The following ZNF497 variants were observed in gnomAD, a reference collection of about 807,000 sequenced individuals.
ZNF497 encodes zinc finger-like protein.
For synonymous variants in ZNF497, 422 were observed against 313.7 expected, an observed-to-expected ratio of 1.35 and a Z score of -3.65; for missense variants, 930 against 714.0, an observed-to-expected ratio of 1.30 and a Z score of -3.45.
Position 58,356,403 on chromosome 19 carries a change from C to G in ZNF497, c.1233G>C (p.Glu411Asp), listed in dbSNP as rs556449723. The G allele has an allele frequency of 5.1e-6, 8 of 1,565,754 alleles. No individual in the cohort carries two copies. The South Asian group carries it at 8.1e-5, about 16-fold the overall frequency. The change falls in exon 3 of 3, where the codon GAG becomes GAC. Residue 411 changes from glutamate (E) to aspartate (D), a missense_variant. Physicochemically the swap from Glu to Asp is conservative, Grantham distance 45 (BLOSUM62 2). Transcript: ENST00000311044. Reference protein sequence around the residue: ...LAHHRLSHTGERPFACAECGK... With the variant: ...LAHHRLSHTGDRPFACAECGK... ...CGCATTCTGCGCAGGCGAAGGGTCG[C>G]TCTCCCGTGTGCGAAAGCCGGTGGT...
chr19:58,361,770 A>T (rs1333155700), intron 1 of ZNF497, among the ~76,000 whole-genome samples: 2 of 152,212 alleles, frequency 1.3e-5, no homozygotes, highest in African/African-American at 2.4e-5. Flanking sequence ...GTTAAATTTT[A>T]AAAAAACGAC....
chr19:58,357,780 G>A (rs2052045603), intron 2 of ZNF497, 131 bp from the exon 3 acceptor site: 2 of 1,195,188 alleles, frequency 1.7e-6, no homozygotes, highest in Admixed American at 3.1e-5. Context: ...GATGCCCAAT[G>A]CCCTCTGGAG....
intron 1 of ZNF497, among the ~76,000 whole-genome samples, chr19:58,361,355 TC>T (rs1350169909): frequency 6.6e-6 from 1 of 152,170 alleles, no homozygotes; most frequent in African/African-American, 2.4e-5. Context: ...CTCTAGTTTT[TC>T]TTTCTCTTCT....
intron 1 of ZNF497, among the ~76,000 whole-genome samples, chr19:58,361,241 G>A (rs753064783): frequency 1.3e-5 from 2 of 152,244 alleles, no homozygotes; most frequent in Non-Finnish European, 2.9e-5. Flanking sequence ...ACAAAAAGAG[G>A]TTAACGGGGA....
At chr19:58,359,971 C>CA (rs36026323) in intron 1 of ZNF497, among the ~76,000 whole-genome samples, 26 of 136,090 alleles carry the variant, frequency 1.9e-4, no homozygotes, top group African/African-American at 5.7e-4. Flanking sequence ...GACTCTGTCT[C>CA]AAAAAAAAAA....
rs952640395 is a variant in ZNF497 at position 58,362,733 on chromosome 19, G to T, written c.-168C>A. The T allele has an allele frequency of 1.3e-5, 2 of 152,186 alleles. No homozygotes were observed. The highest frequency in any genetic ancestry group is 4.8e-5 in the African/African-American group (2 of 41,452). 9.4% of individuals were successfully genotyped at this position (152,186 alleles called of 1,614,324 possible). A position where few individuals can be genotyped will look rare whatever the true frequency, so the allele number is the denominator to read the frequency against. On this transcript the variant is annotated 5_prime_UTR_variant, in exon 1 of 3. Coordinates refer to ENST00000311044, the MANE Select transcript of ZNF497 (RefSeq NM_198458.3). ...GCGGCCTGAAAGAGGCCCGCACGCG[G>T]GCTCGAGCCGCGTGGAATGGTAGGA...
intron 1 of ZNF497, chr19:58,359,631 G>A (rs752173116): frequency 2.8e-6 from 1 of 357,880 alleles, no homozygotes; most frequent in Non-Finnish European, 5.6e-6. Context: ...GACACCCAGA[G>A]TCAGACCAGC....
At position 58,357,176 on chromosome 19, in the gene ZNF497, G is replaced by C. The variant is rs202080110; in HGVS notation, c.460C>G (p.Arg154Gly). The C allele has an allele frequency of 1.2e-6, 2 of 1,612,862 alleles. No homozygotes were observed. The highest frequency in any genetic ancestry group is 1.7e-6 in the Non-Finnish European group (2 of 1,179,732). ...TAGGGCTTCTCGCCGCTGTGGATGC[G>C]CTGGTGCTGGCTGAGGTTGGAGCTC... Reference protein sequence around the residue: ...AWSSNLSQHQRIHSGEKPYAC... With the variant: ...AWSSNLSQHQGIHSGEKPYAC... The change falls in exon 3 of 3, where the codon CGC becomes GGC. Residue 154 changes from arginine to glycine, a missense_variant. Arg to Gly is a moderately radical substitution (Grantham distance 125). Transcript: ENST00000311044.
chr19:58,357,991 C>A lies in ZNF497; in HGVS notation c.-14-342G>T. ...CTGTGGCACCACTCTCCTCTCCTTG[C>A]TTCACAGGGTGGGGCCCCAAGTGTC... On this transcript the variant is annotated intron_variant, in intron 2 of 2. Transcript: ENST00000311044. 4 of 1,259,706 alleles carry A rather than the reference C, an allele frequency of 3.2e-6. No homozygotes were observed. In the South Asian group the frequency reaches 6.3e-5, roughly 20 times the overall value. 78.0% of individuals were successfully genotyped at this position (1,259,706 alleles called of 1,614,324 possible). A position where few individuals can be genotyped will look rare whatever the true frequency, so the allele number is the denominator to read the frequency against.
intron 1 of ZNF497, 125 bp downstream of exon 1, chr19:58,362,552 T>A (rs2052105615): frequency 6.6e-6 from 1 of 151,982 alleles, no homozygotes; most frequent in African/African-American, 2.4e-5. Flanking sequence ...CGCGGAGGCC[T>A]ATCTCTCGGT....
In ZNF497 at chr19:58,356,865, C is replaced by T; in HGVS notation, c.771G>A (p.Gln257=). 2 of 1,588,218 alleles carry T rather than the reference C, an allele frequency of 1.3e-6. No homozygotes were observed. The highest frequency in any genetic ancestry group is 1.7e-6 in the Non-Finnish European group (2 of 1,172,246). Residue 257 remains glutamine (Q), a synonymous_variant, in exon 3 of 3, where the codon CAG becomes CAA. Coordinates refer to ENST00000311044, the MANE Select transcript of ZNF497 (RefSeq NM_198458.3). ...ACRDCGKAFS[Q]SSNLAEHLKI... is the part of the protein sequence containing the mutation. ...TCAGGTGCTCGGCCAGGTTGGAGCT[C>T]TGGCTGAAGGCCTTGCCACAGTCCC...
At position 58,357,031 on chromosome 19, in the gene ZNF497, C is replaced by G; in HGVS notation, c.605G>C (p.Ser202Thr). The G allele has an allele frequency of 6.2e-7, 1 of 1,610,284 alleles. No individual in the cohort carries two copies. The highest frequency in any genetic ancestry group is 8.5e-7 in the Non-Finnish European group (1 of 1,179,010). The change falls in exon 3 of 3, where the codon AGC becomes ACC. Residue 202 changes from serine (S) to threonine (T), a missense_variant. Transcript: ENST00000311044. Reference sequence around the variant, plus strand: ...GCGTCGGTGCTGCACCAGCGTGGTGCTTCGGCCGAAGGACTTGCCGCAGTC... The same window carrying G: ...GCGTCGGTGCTGCACCAGCGTGGTGGTTCGGCCGAAGGACTTGCCGCAGTC... ...CPDCGKSFGR[S>T]TTLVQHRRTH... is the part of the protein sequence containing the mutation.
Position 58,356,142 on chromosome 19 carries a change from GGGCGCAGCGC to G in ZNF497, c.1484_1493del (p.Arg495ProfsTer7), listed in dbSNP as rs2052014253. 6.4e-7 allele frequency: 1 copy of G among 1,552,822 alleles called. No homozygotes were observed. Among genetic ancestry groups the G allele is most frequent in the Non-Finnish European group, 8.7e-7 (1 of 1,150,070 alleles). ...TCCCGCTCAGGGCGTCCTCGGGTCA[GGGCGCAGCGC>G]GGCCCCCGTGCCGCTTCTGGTGCTC... On this transcript the variant is annotated frameshift_variant, in exon 3 of 3. Coordinates refer to ENST00000311044, the MANE Select transcript of ZNF497 (RefSeq NM_198458.3).
intron 1 of ZNF497, among the ~76,000 whole-genome samples, chr19:58,362,199 G>A (rs757532403): frequency 9.2e-5 from 14 of 152,184 alleles, no homozygotes; most frequent in Non-Finnish European, 2.1e-4. Flanking sequence ...GGCCTAGGCT[G>A]GACAAACAAA....
rs766224397 is a variant in ZNF497, at chr19:58,357,198, G to C, written c.438C>G (p.Ser146Arg). Residue 146 changes from serine to arginine, a missense_variant, in exon 3 of 3, where the codon AGC becomes AGG. By Grantham distance (110) the Ser-to-Arg change is moderately radical. Transcript: ENST00000311044. ...TGCGCTGGTGCTGGCTGAGGTTGGAGCTCCAGGCGAAGGCCTTGCCGCACT... is the reference window on the plus strand; with the variant it reads ...TGCGCTGGTGCTGGCTGAGGTTGGACCTCCAGGCGAAGGCCTTGCCGCACT... ...CPECGKAFAWSSNLSQHQRIH... is the reference protein window; with the variant it reads ...CPECGKAFAWRSNLSQHQRIH... 1 of 1,612,936 alleles carries C rather than the reference G, an allele frequency of 6.2e-7. No individual in the cohort carries two copies.
In ZNF497 at chr19:58,355,988, G is replaced by A. The variant is rs1420700285; in HGVS notation, c.*151C>T. ...ATCGTCAAAGGGACTGTGCAGCCAG[G>A]GTTCTCCACACCCAAGGCCGCCCCT... On this transcript the variant is annotated 3_prime_UTR_variant, in exon 3 of 3. Transcript: ENST00000311044. The A allele has an allele frequency of 8.2e-6, 7 of 848,776 alleles. No homozygotes were observed. Among genetic ancestry groups the A allele is most frequent in the Admixed American group, 3.0e-5 (1 of 32,830 alleles). The allele number at this position is 848,776 out of a possible 1,614,324, so 52.6% of individuals were successfully genotyped here.
chr19:58,359,217 G>A, intron 1 of ZNF497: 1 of 1,290,756 alleles, frequency 7.7e-7, no homozygotes, highest in Non-Finnish European at 1.0e-6. Flanking sequence ...AGTGGACTCG[G>A]GAAGACCTGG....
Position 58,357,098 on chromosome 19 carries a change from G to A in ZNF497, c.538C>T (p.His180Tyr), listed in dbSNP as rs2052034602. The A allele has an allele frequency of 1.2e-6, 2 of 1,608,972 alleles. No homozygotes were observed. The highest frequency in any genetic ancestry group is 1.3e-5 in the African/African-American group (1 of 74,952). ...TTCAGGCCGCTGTGTGTCTCCTGGTGGTGGATGAGCTGCGAGTGCGCGCGG... is the reference window on the plus strand; with the variant it reads ...TTCAGGCCGCTGTGTGTCTCCTGGTAGTGGATGAGCTGCGAGTGCGCGCGG... ...AFRAHSQLIH[H>Y]QETHSGLKPF... The change falls in exon 3 of 3, where the codon CAC (histidine) becomes TAC (tyrosine). Residue 180 changes from histidine to tyrosine, a missense_variant. Physicochemically the swap from His to Tyr is moderately conservative, Grantham distance 83 (BLOSUM62 2). Coordinates refer to ENST00000311044, the MANE Select transcript of ZNF497 (RefSeq NM_198458.3).
rs939638043 is a variant in ZNF497, at chr19:58,357,312, G to C, written c.324C>G (p.Cys108Trp). 1.9e-6 allele frequency: 3 copies of C among 1,606,712 alleles called. No individual in the cohort carries two copies. The highest frequency in any genetic ancestry group is 1.1e-5 in the South Asian group (1 of 90,410). ...GGCTGAACGCCTTGCCGCACTCCCCGCACCGGCAGCCCGGCTCCTCTGGGA... is the reference window on the plus strand; with the variant it reads ...GGCTGAACGCCTTGCCGCACTCCCCCCACCGGCAGCCCGGCTCCTCTGGGA... ...SPLPEEPGCRCGECGKAFSQG... is the reference protein window; with the variant it reads ...SPLPEEPGCRWGECGKAFSQG... The change falls in exon 3 of 3, where the codon TGC (cysteine) becomes TGG (tryptophan). Residue 108 changes from cysteine to tryptophan, a missense_variant. Physicochemically the swap from Cys to Trp is radical, Grantham distance 215. Coordinates refer to ENST00000311044, the MANE Select transcript of ZNF497 (RefSeq NM_198458.3).
Sources: gnomAD v4.1 joint callset for allele counts (sites outside exome capture counted in the v4.1 genomes callset) on GRCh38, gnomAD v4.1.1 for gene constraint, MANE v1.5 for transcripts, NCBI Gene and HGNC (gene_info 2026-07-23, HGNC 2026-07-21) for gene names.